The following SH3KBP1 variants were observed in gnomAD, a reference collection of about 807,000 sequenced individuals.
The protein encoded by SH3KBP1 is SH3 domain-containing kinase-binding protein 1.
A neutral mutation model predicts 50.1 loss-of-function variants in SH3KBP1; 8 were observed. That is an observed-to-expected ratio of 0.16 (90% CI 0.09 to 0.29). The LOEUF is 0.29. SH3KBP1 is among the 10% of genes least tolerant of loss of function. The pLI is 1.00. For synonymous variants in SH3KBP1, 227 were observed against 218.6 expected, an observed-to-expected ratio of 1.04 and a Z score of -0.34; for missense variants, 377 against 535.2, an observed-to-expected ratio of 0.70 and a Z score of 2.92.
chrX:19,573,995 C>T (rs760636076), intron 12 of SH3KBP1, among the ~76,000 whole-genome samples: 4 of 111,004 alleles, frequency 3.6e-5, no homozygotes, highest in Non-Finnish European at 7.6e-5. Context: ...ATTTCAACAT[C>T]AGAGAAATGT....
At chrX:19,538,683 T>C (rs2064793903) in intron 16 of SH3KBP1, among the ~76,000 whole-genome samples, 1 of 107,310 alleles carries the variant, frequency 9.3e-6, no homozygotes, top group Non-Finnish European at 1.9e-5. Flanking sequence ...GCCTCCTGGG[T>C]TCAAGCGATT....
At chrX:19,634,035 T>G (rs1419316165) in intron 7 of SH3KBP1, among the ~76,000 whole-genome samples, 2 of 11,138 alleles carry the variant, frequency 1.8e-4, no homozygotes, top group Admixed American at 1.4e-3. Context: ...TTCCCTGGTG[T>G]GTGTGTGTGT....
At chrX:19,742,396 CA>C (rs1383032172) in intron 3 of SH3KBP1, among the ~76,000 whole-genome samples, 1 of 110,913 alleles carries the variant, frequency 9.0e-6, no homozygotes, top group African/African-American at 3.3e-5. Flanking sequence ...TCACTGTGTC[CA>C]GCTTGATTTT....
chrX:19,697,424 G>A (rs1165279448), intron 4 of SH3KBP1, among the ~76,000 whole-genome samples: 1 of 112,144 alleles, frequency 8.9e-6, no homozygotes, highest in African/African-American at 3.2e-5. Context: ...CTATCTGCAT[G>A]ATGGGAATAA....
intron 2 of SH3KBP1, chrX:19,799,867 T>C (rs770467329): frequency 4.4e-4 from 418 of 959,136 alleles, no homozygotes; most frequent in Non-Finnish European, 5.3e-4. Flanking sequence ...GGTTTTTTTG[T>C]AATTCTTTGC....
At chrX:19,779,082 G>C (rs971994426) in intron 2 of SH3KBP1, among the ~76,000 whole-genome samples, 1 of 108,953 alleles carries the variant, frequency 9.2e-6, no homozygotes, top group African/African-American at 3.3e-5. Context: ...GATCACTTGA[G>C]CCCAGGAGTT....
chrX:19,845,778 T>C (rs1258876896), intron 1 of SH3KBP1, among the ~76,000 whole-genome samples: 1 of 108,249 alleles, frequency 9.2e-6, no homozygotes, highest in East Asian at 3.1e-4. Flanking sequence ...GCCCAGCTAA[T>C]TTTTGTATTT....
Position 19,816,858 on chromosome X carries a change from C to A in SH3KBP1, c.162+19267G>T, listed in dbSNP as rs2067372258. 2.7e-5 allele frequency among the ~76,000 whole-genome samples: 3 copies of A among 111,052 alleles called. No individual in the cohort carries two copies. The South Asian group carries it at 1.1e-3, about 42-fold the overall frequency. ...GAACTCTTCACCTAGGCCTAGGTCC[C>A]CAAAATGTTTGCCTATGTTTAATTC... is the stretch of plus-strand genomic sequence containing the variant. On this transcript the variant is annotated intron_variant, in intron 2 of 17. Coordinates refer to ENST00000397821, the MANE Select transcript of SH3KBP1 (RefSeq NM_031892.3).
At chrX:19,576,686 T>C (rs1405011482) in intron 12 of SH3KBP1, among the ~76,000 whole-genome samples, 3 of 112,255 alleles carry the variant, frequency 2.7e-5, no homozygotes, top group African/African-American at 9.7e-5. Flanking sequence ...CCAGCAGTCC[T>C]CCAGCCTCAG....
At chrX:19,808,344 T>C (rs1715888597) in intron 2 of SH3KBP1, among the ~76,000 whole-genome samples, 1 of 110,396 alleles carries the variant, frequency 9.1e-6, no homozygotes, top group Admixed American at 9.6e-5. Flanking sequence ...CCTTTTTTTT[T>C]AGGTGAGATG....
At chrX:19,636,023 C>T (rs1300676455) in intron 7 of SH3KBP1, among the ~76,000 whole-genome samples, 5 of 110,805 alleles carry the variant, frequency 4.5e-5, no homozygotes, top group Admixed American at 1.9e-4. Flanking sequence ...AAATGAGTAT[C>T]GGACAGAGTT....
chrX:19,699,362 A>G (rs2063493005), intron 4 of SH3KBP1, among the ~76,000 whole-genome samples: 1 of 112,735 alleles, frequency 8.9e-6, no homozygotes, highest in East Asian at 2.8e-4. Context: ...AGGAAAGGAC[A>G]ATAATAAAAG....
chrX:19,818,580 T>C (rs924686098), intron 2 of SH3KBP1, among the ~76,000 whole-genome samples: 1 of 111,581 alleles, frequency 9.0e-6, no homozygotes, highest in Non-Finnish European at 1.9e-5. Context: ...CTTTATCAAG[T>C]TGGGGGAATT....
intron 2 of SH3KBP1, among the ~76,000 whole-genome samples, chrX:19,760,976 G>A (rs2065403552): frequency 9.3e-6 from 1 of 107,710 alleles, no homozygotes; most frequent in African/African-American, 3.4e-5. Flanking sequence ...ACTGGAGGGT[G>A]CATTCCATCA....
intron 12 of SH3KBP1, among the ~76,000 whole-genome samples, chrX:19,581,236 C>T (rs902713520): frequency 1.8e-5 from 2 of 112,255 alleles, no homozygotes; most frequent in Non-Finnish European, 3.8e-5. Flanking sequence ...AGCCACTGCA[C>T]CAAGCCAACC....
At chrX:19,784,831 A>G (rs2066287565) in intron 2 of SH3KBP1, among the ~76,000 whole-genome samples, 1 of 109,849 alleles carries the variant, frequency 9.1e-6, no homozygotes, top group African/African-American at 3.3e-5. Flanking sequence ...CTGGTCTCAA[A>G]CTCCTGACCT....
chrX:19,615,254 T>G (rs1863170846), intron 8 of SH3KBP1, among the ~76,000 whole-genome samples: 1 of 112,414 alleles, frequency 8.9e-6, no homozygotes, highest in Non-Finnish European at 1.9e-5. Context: ...ACTGAAAACA[T>G]AAAAATGGGT....
chrX:19,600,330 G>A (rs1047106484), intron 9 of SH3KBP1, among the ~76,000 whole-genome samples: 5 of 110,974 alleles, frequency 4.5e-5, no homozygotes, highest in Admixed American at 1.9e-4. Context: ...GCTGCAGTGA[G>A]CTGAGATCGT....
intron 12 of SH3KBP1, among the ~76,000 whole-genome samples, chrX:19,571,897 T>C (rs765405962): frequency 9.1e-6 from 1 of 110,239 alleles, no homozygotes; most frequent in African/African-American, 3.3e-5. Flanking sequence ...CAGCTGGGGT[T>C]AAGTCAGAGG....
Sources: allele counts gnomAD v4.1 joint callset (sites outside exome capture counted in the v4.1 genomes callset), GRCh38; gene constraint gnomAD v4.1.1; transcripts MANE v1.5; gene names NCBI Gene and HGNC (gene_info 2026-07-23, HGNC 2026-07-21).